Variants in NIPAL3 observed in about 807,000 individuals in gnomAD.
The protein encoded by NIPAL3 is NIPA like domain containing 3.
NIPAL3 carries 41 observed loss-of-function variants against 47.2 expected under a neutral mutation model. The observed-to-expected ratio is 0.87, with a 90% confidence interval of 0.68 to 1.13. The LOEUF is 1.13. Among genes scored for constraint, NIPAL3 ranks in the 50% most tolerant of loss-of-function variants. The probability of loss-of-function intolerance (pLI) is 0.00; values close to 1 mark genes in which losing one functional copy is unlikely to be tolerated. For synonymous variants in NIPAL3, 194 were observed against 209.6 expected (o/e 0.93, Z 0.64); for missense variants, 449 against 530.1 (o/e 0.85, Z 1.50).
intron 8 of NIPAL3, among the ~76,000 whole-genome samples, chr1:24,457,381 T>C (rs539381311): frequency 1.3e-5 from 2 of 152,298 alleles, no homozygotes; most frequent in South Asian, 2.1e-4. Flanking sequence ...AGGAATCTTG[T>C]AGGTGACAAA....
chr1:24,454,374 A>AG lies in NIPAL3; in HGVS notation c.637+877dup, dbSNP rs904840855. On this transcript the variant is annotated intron_variant, in intron 7 of 11. Coordinates refer to ENST00000374399, the MANE Select transcript of NIPAL3 (RefSeq NM_020448.5). The surrounding 1 kb of genome is among the most constrained non-coding windows in gnomAD (Gnocchi z 4.1). ...TAAGCCACGCTGTCCACTTCTCTAA[A>AG]GGGGGGGCCTATGAGAACATCCAAG... 73 of 1,049,756 alleles carry AG rather than the reference A, an allele frequency of 7.0e-5. No homozygotes were observed. The African/African-American group carries it at 9.6e-4, about 14-fold the overall frequency. 65.0% of individuals were successfully genotyped at this position (1,049,756 alleles called of 1,614,324 possible).
At chr1:24,434,901 A>G (rs7522054) in intron 2 of NIPAL3, among the ~76,000 whole-genome samples, 65,022 of 151,996 alleles carry the variant, frequency 0.43, 15,228 homozygotes, top group African/African-American at 0.64. Context: ...CTCGAGACAA[A>G]CTGATCCTAA....
chr1:24,453,263 A>G (rs1646027791), intron 6 of NIPAL3, 145 bp from the exon 7 acceptor site: 2 of 629,418 alleles, frequency 3.2e-6, no homozygotes, highest in African/African-American at 1.8e-5. Flanking sequence ...CTGAACGTCT[A>G]ACAGTAGTTT....
chr1:24,440,239 AG>A lies in NIPAL3; in HGVS notation c.162+1del. 6.3e-7 allele frequency: 1 copy of A among 1,589,912 alleles called. No homozygotes were observed. The highest frequency in any genetic ancestry group is 1.8e-5 in the Admixed American group (1 of 55,228). On this transcript the variant is annotated frameshift_variant and splice_region_variant, in exon 3 of 12. Coordinates refer to ENST00000374399, the MANE Select transcript of NIPAL3 (RefSeq NM_020448.5). LOFTEE classifies it high-confidence loss of function. ...HLVVSIALNL[Q>X]KYCHIRLAGS... The stretch of plus-strand genomic sequence containing the variant: ...GTGGTCAGCATTGCACTTAACCTCC[AG>A]GTAAGTTTCAGTTACCAGCACTGTC...
rs1046035968 is a variant in NIPAL3 at position 24,470,259 on chromosome 1, G to A, written c.*1074G>A. Reference sequence around the variant, plus strand: ...TTGCTTTCTTCCTGGCCGCATATGTGACTGTCTTCCCCTAGACTGATGGTA... The same window carrying A: ...TTGCTTTCTTCCTGGCCGCATATGTAACTGTCTTCCCCTAGACTGATGGTA... On this transcript the variant is annotated 3_prime_UTR_variant, in exon 12 of 12. Transcript: ENST00000374399. 6.6e-6 allele frequency: 1 copy of A among 152,250 alleles called. No individual in the cohort carries two copies. Among genetic ancestry groups the A allele is most frequent in the Non-Finnish European group, 1.5e-5 (1 of 68,064 alleles). 9.4% of individuals were successfully genotyped at this position (152,250 alleles called of 1,614,324 possible).
intron 2 of NIPAL3, among the ~76,000 whole-genome samples, chr1:24,429,278 G>A (rs1644770784): frequency 6.6e-6 from 1 of 152,160 alleles, no homozygotes; most frequent in Admixed American, 6.5e-5. Context: ...TGGGCATGGT[G>A]GCACATGCCT....
rs528582417 is a variant in NIPAL3 at position 24,458,303 on chromosome 1, G to T, written c.774-585G>T. Among the ~76,000 whole-genome samples the T allele has an allele frequency of 2.0e-5, 3 of 152,220 alleles. No homozygotes were observed. The South Asian group carries it at 6.2e-4, about 32-fold the overall frequency. On this transcript the variant is annotated intron_variant, in intron 8 of 11. Transcript: ENST00000374399. ...AGTAAAAAAATAAAAGCAATTGAGT[G>T]GTGAGCATGGTGTAAGCAACTATGC...
chr1:24,446,442 A>G (rs914892042), intron 5 of NIPAL3, among the ~76,000 whole-genome samples: 1 of 151,360 alleles, frequency 6.6e-6, no homozygotes, highest in Non-Finnish European at 1.5e-5. Flanking sequence ...CCACCCTCCA[A>G]CAAGCCCCAG....
intron 8 of NIPAL3, chr1:24,457,611 G>C (rs1237740446): frequency 2.6e-6 from 1 of 390,462 alleles, no homozygotes; most frequent in Admixed American, 3.4e-5. Context: ...TCCCCATTTT[G>C]CATACGAGGA....
chr1:24,468,894 A>T, intron 11 of NIPAL3, 92 bp from the exon 12 acceptor site: 1 of 1,142,400 alleles, frequency 8.8e-7, no homozygotes, highest in Non-Finnish European at 1.3e-6. Context: ...GCTGCTGAGC[A>T]CTATAATTAG....
chr1:24,465,927 T>C lies in NIPAL3; in HGVS notation c.1021+1807T>C, dbSNP rs113400163. 1.4e-3 allele frequency: 2,151 copies of C among 1,509,026 alleles called. 35 individuals carry two copies. In the African/African-American group the frequency reaches 0.027, roughly 19 times the overall value. 93.5% of individuals were successfully genotyped at this position (1,509,026 alleles called of 1,614,324 possible). On this transcript the variant is annotated intron_variant, in intron 11 of 11. Coordinates refer to ENST00000374399, the MANE Select transcript of NIPAL3 (RefSeq NM_020448.5). Reference sequence around the variant, plus strand: ...TGCAGAATAAAACTGCTGAACAGTCTCAGTCTAAACAGAGGTGCTTTTCCA... The same window carrying C: ...TGCAGAATAAAACTGCTGAACAGTCCCAGTCTAAACAGAGGTGCTTTTCCA...
chr1:24,421,199 CACAAAAAAT>C (rs1298325157), intron 2 of NIPAL3, among the ~76,000 whole-genome samples: 3 of 151,502 alleles, frequency 2.0e-5, no homozygotes, highest in Non-Finnish European at 2.9e-5. Flanking sequence ...GCACCTACCA[CACAAAAAAT>C]ACAAAAAATT....
At chr1:24,446,255 G>A (rs1645659460) in intron 5 of NIPAL3, among the ~76,000 whole-genome samples, 2 of 152,230 alleles carry the variant, frequency 1.3e-5, no homozygotes, top group Middle Eastern at 3.4e-3. Flanking sequence ...CTCTGAGGAG[G>A]TGATTTTTCC....
chr1:24,440,064 GT>G, intron 2 of NIPAL3, 107 bp from the exon 3 acceptor site: 1 of 635,904 alleles, frequency 1.6e-6, no homozygotes, highest in Non-Finnish European at 2.6e-6. Flanking sequence ...CACTGATATT[GT>G]TTTTCTGGTT....
intron 10 of NIPAL3, among the ~76,000 whole-genome samples, chr1:24,461,535 TC>T (rs1262711333): frequency 7.0e-6 from 1 of 143,674 alleles, no homozygotes; most frequent in African/African-American, 2.7e-5. Flanking sequence ...AGAGCAAAAT[TC>T]CGTCTCAAAA....
intron 2 of NIPAL3, among the ~76,000 whole-genome samples, chr1:24,426,029 C>G (rs574571257): frequency 1.9e-4 from 29 of 152,290 alleles, no homozygotes; most frequent in African/African-American, 7.0e-4. Context: ...CTGTGCTAAT[C>G]CTCACAAAAG....
chr1:24,456,107 C>T (rs977378787), intron 7 of NIPAL3, 31 bp from the exon 8 acceptor site: 1 of 1,613,214 alleles, frequency 6.2e-7, no homozygotes, highest in Non-Finnish European at 8.5e-7. Flanking sequence ...TTCCCTGAGG[C>T]TCCCCATTCG....
At chr1:24,415,583 C>G (rs1461964135), upstream of NIPAL3, 2 of 152,424 alleles carry the variant, frequency 1.3e-5, no homozygotes, top group African/African-American at 4.8e-5. Flanking sequence ...GCTAGGGGGT[C>G]CCCGCTCCAG....
chr1:24,449,729 C>T lies in NIPAL3; in HGVS notation c.540+103C>T, dbSNP rs914187519. Reference sequence around the variant, plus strand: ...CAGCAATAGGGGATTCCGTGAGTTGCGGCACATTTTACCAGCATGAAAGAC... The same window carrying T: ...CAGCAATAGGGGATTCCGTGAGTTGTGGCACATTTTACCAGCATGAAAGAC... On this transcript the variant is annotated intron_variant, in intron 6 of 11. Coordinates refer to ENST00000374399, the MANE Select transcript of NIPAL3 (RefSeq NM_020448.5). This position sits in a 1 kb window ranked among gnomAD's most constrained non-coding sequence, Gnocchi z 4.5. The T allele has an allele frequency of 3.7e-5, 47 of 1,273,706 alleles. No individual in the cohort carries two copies. Among genetic ancestry groups the T allele is most frequent in the Non-Finnish European group, 4.6e-5 (43 of 930,508 alleles). 78.9% of individuals were successfully genotyped at this position (1,273,706 alleles called of 1,614,324 possible). A position where few individuals can be genotyped will look rare whatever the true frequency, so the allele number is the denominator to read the frequency against.
Sources: gnomAD v4.1 joint callset for allele counts (sites outside exome capture counted in the v4.1 genomes callset) on GRCh38, gnomAD v4.1.1 for gene constraint, Gnocchi (gnomAD v3.1) non-coding constraint, MANE v1.5 for transcripts, NCBI Gene and HGNC (gene_info 2026-07-23, HGNC 2026-07-21) for gene names.